Variants in CDH18 observed in about 807,000 individuals in gnomAD.
The protein encoded by CDH18 is cadherin-18.
Under a neutral mutation model 67.9 loss-of-function variants are expected in CDH18, and 31 were observed. The observed-to-expected ratio is 0.46, with a 90% CI of 0.34 to 0.62. The LOEUF is 0.62. CDH18 is among the 20% of genes least tolerant of loss of function. The pLI is 0.01. For synonymous variants in CDH18, 362 were observed against 347.2 expected (o/e 1.04, Z -0.48); for missense variants, 890 against 975.5 (o/e 0.91, Z 1.17).
intron 2 of CDH18, among the ~76,000 whole-genome samples, chr5:19,840,274 C>CAAAAAA (rs770658457): frequency 2.1e-5 from 1 of 48,668 alleles, no homozygotes; most frequent in Non-Finnish European, 4.5e-5. Flanking sequence ...GACTCCGTCT[C>CAAAAAA]AAAAAAAAAA....
intron 9 of CDH18, among the ~76,000 whole-genome samples, chr5:19,532,262 T>G (rs903725793): frequency 6.6e-6 from 1 of 152,202 alleles, no homozygotes; most frequent in African/African-American, 2.4e-5. Flanking sequence ...ACTTTATCAA[T>G]GTATTGCTTC....
At chr5:19,647,527 CAAAA>C (rs3062888) in intron 5 of CDH18, among the ~76,000 whole-genome samples, 12 of 28,794 alleles carry the variant, frequency 4.2e-4, no homozygotes, top group African/African-American at 9.4e-4. Context: ...GAGACTCCAT[CAAAA>C]AAAAAAAAAA....
intron 6 of CDH18, among the ~76,000 whole-genome samples, chr5:19,607,551 C>A (rs574615150): frequency 6.7e-6 from 1 of 150,164 alleles, no homozygotes; most frequent in South Asian, 2.1e-4. Flanking sequence ...TTAAATAATT[C>A]AAAGAATATG....
At chr5:20,209,490 G>T (rs906939670) in intron 2 of CDH18, among the ~76,000 whole-genome samples, 3 of 152,012 alleles carry the variant, frequency 2.0e-5, no homozygotes, top group Non-Finnish European at 4.4e-5. Context: ...AGTGAAATAA[G>T]CTAAGCACAG....
chr5:19,967,088 T>C (rs1310861003), intron 2 of CDH18, among the ~76,000 whole-genome samples: 2 of 151,730 alleles, frequency 1.3e-5, no homozygotes, highest in Non-Finnish European at 2.9e-5. Flanking sequence ...TACACTTAGG[T>C]TTAAAAGAAA....
At chr5:20,181,962 A>G (rs1184564284) in intron 2 of CDH18, among the ~76,000 whole-genome samples, 1 of 152,114 alleles carries the variant, frequency 6.6e-6, no homozygotes, top group East Asian at 1.9e-4. Context: ...GCACTTTTAT[A>G]TAAGGATCCC....
At chr5:20,255,074 A>G (rs1230348011) in intron 2 of CDH18, among the ~76,000 whole-genome samples, 1 of 152,164 alleles carries the variant, frequency 6.6e-6, no homozygotes, top group Non-Finnish European at 1.5e-5. Context: ...GAGAGCTAAA[A>G]TTGAGCACAC....
intron 10 of CDH18, among the ~76,000 whole-genome samples, chr5:19,511,951 G>A (rs1424937536): frequency 1.3e-5 from 2 of 152,076 alleles, no homozygotes; most frequent in African/African-American, 2.4e-5. Flanking sequence ...AGGTGTCCTC[G>A]GCAGCCCCTC....
Position 20,085,214 on chromosome 5 carries a change from C to T in CDH18, c.-517-93200G>A, listed in dbSNP as rs561791799. On this transcript the variant is annotated intron_variant, in intron 2 of 14. Transcript: ENST00000507958. ...TACCCTAAATCATCTCTCTCAAGTT[C>T]AAAGTTCCACAAATATCTAGAGAAG... is the stretch of plus-strand genomic sequence containing the variant. Among the ~76,000 whole-genome samples the T allele has an allele frequency of 9.2e-5, 14 of 152,254 alleles. No homozygotes were observed. In the East Asian group the frequency reaches 2.7e-3, roughly 30 times the overall value.
At chr5:19,966,678 C>A (rs533236423) in intron 2 of CDH18, among the ~76,000 whole-genome samples, 50 of 151,776 alleles carry the variant, frequency 3.3e-4, no homozygotes, top group African/African-American at 1.2e-3. Flanking sequence ...TGTTTTTTTT[C>A]TGGAGCAGAT....
chr5:20,078,998 T>G (rs185587202), intron 2 of CDH18, among the ~76,000 whole-genome samples: 1 of 152,358 alleles, frequency 6.6e-6, no homozygotes. Flanking sequence ...GAAATATGTA[T>G]ACATTGCAGA....
chr5:20,562,118 A>G (rs1479336664), intron 1 of CDH18, among the ~76,000 whole-genome samples: 3 of 151,926 alleles, frequency 2.0e-5, no homozygotes, highest in Admixed American at 6.6e-5. Context: ...CCAGAGATCT[A>G]TAATAGAAAA....
chr5:20,187,500 T>G (rs1738192704), intron 2 of CDH18, among the ~76,000 whole-genome samples: 1 of 151,802 alleles, frequency 6.6e-6, no homozygotes, highest in Non-Finnish European at 1.5e-5. Context: ...GGGCTCCAAA[T>G]TTTACAATCT....
chr5:20,160,252 A>G (rs1426710010), intron 2 of CDH18, among the ~76,000 whole-genome samples: 1 of 152,218 alleles, frequency 6.6e-6, no homozygotes, highest in East Asian at 1.9e-4. Flanking sequence ...TAGTTGTTGC[A>G]TTTTGATGGC....
At chr5:20,558,673 G>A (rs546388294) in intron 1 of CDH18, among the ~76,000 whole-genome samples, 36 of 152,128 alleles carry the variant, frequency 2.4e-4, no homozygotes, top group Non-Finnish European at 4.9e-4. Flanking sequence ...TCCACACAGA[G>A]CAACAGATGA....
At position 19,483,359 on chromosome 5, in the gene CDH18, C is replaced by T. The variant is rs767007708; in HGVS notation, c.1824G>A (p.Ser608=). Residue 608 remains serine (S), a synonymous_variant, in exon 12 of 13, where the codon TCG becomes TCA. Transcript: ENST00000382275. ...TTAAGGCTCCTGTACTCAAACCAGC[C>T]GAGGACAGGAAGGCTTCTGCATGGC... ...RTCHAEAFLS[S]AGLSTGALIA... The T allele has an allele frequency of 4.3e-6, 7 of 1,613,814 alleles. No homozygotes were observed. Among genetic ancestry groups the T allele is most frequent in the South Asian group, 1.1e-5 (1 of 91,074 alleles).
chr5:19,534,308 T>C (rs932754857), intron 9 of CDH18, among the ~76,000 whole-genome samples: 4 of 151,574 alleles, frequency 2.6e-5, no homozygotes, highest in East Asian at 3.9e-4. Context: ...AAAAAAAAAC[T>C]GAAAGCAGCA....
intron 5 of CDH18, among the ~76,000 whole-genome samples, chr5:19,717,459 T>C: frequency 6.6e-6 from 1 of 152,092 alleles, no homozygotes; most frequent in East Asian, 1.9e-4. Flanking sequence ...CTGGTAGATT[T>C]CTGGTTCTGT....
At chr5:19,695,146 G>C (rs535986238) in intron 5 of CDH18, among the ~76,000 whole-genome samples, 1 of 152,172 alleles carries the variant, frequency 6.6e-6, no homozygotes, top group Non-Finnish European at 1.5e-5. Context: ...TGTGAAAGGG[G>C]GGATGGGAAA....
Sources: gnomAD v4.1 joint callset for allele counts (sites outside exome capture counted in the v4.1 genomes callset) on GRCh38, gnomAD v4.1.1 for gene constraint, MANE v1.5 for transcripts, NCBI Gene and HGNC (gene_info 2026-07-23, HGNC 2026-07-21) for gene names.